The following PNMA1 variants were observed in gnomAD, a reference collection of about 807,000 sequenced individuals.
PNMA1 encodes the protein paraneoplastic antigen Ma1.
A neutral mutation model predicts 26.1 loss-of-function variants in PNMA1; 21 were observed. The ratio of observed to expected loss-of-function variants is 0.80; its 90% CI spans 0.57 to 1.16. The LOEUF is 1.16. Among genes scored for constraint, PNMA1 ranks in the 50% most tolerant of loss-of-function variants. The probability of loss-of-function intolerance (pLI) is 0.00; values close to 1 mark genes in which losing one functional copy is unlikely to be tolerated. For missense variants in PNMA1, 435 were observed against 437.3 expected (o/e 0.99, Z 0.05); for synonymous variants, 189 against 177.3 (o/e 1.07, Z -0.52).
At position 73,712,799 on chromosome 14, in the gene PNMA1, T is replaced by C. The variant is rs1019893136; in HGVS notation, c.841A>G (p.Ile281Val). 6 of 1,614,124 alleles carry C rather than the reference T, an allele frequency of 3.7e-6. No homozygotes were observed. The highest frequency in any genetic ancestry group is 5.1e-6 in the Non-Finnish European group (6 of 1,180,030). ...LLQKVVEKGA[I>V]DKDNVNQARL... ...GCCTGGTTCACATTATCTTTATCAA[T>C]GGCCCCCTTCTCTACCACCTTCTGT... The change falls in exon 1 of 1, where the codon ATT becomes GTT. Residue 281 changes from isoleucine to valine, a missense_variant. Physicochemically the swap from Ile to Val is conservative, Grantham distance 29 (BLOSUM62 3). Transcript: ENST00000316836.
Position 73,713,669 on chromosome 14 carries a change from C to T in PNMA1, c.-30G>A, listed in dbSNP as rs1566575519. The T allele has an allele frequency of 1.9e-6, 3 of 1,566,126 alleles. No individual in the cohort carries two copies. The highest frequency in any genetic ancestry group is 2.7e-5 in the African/African-American group (2 of 73,634). ...TCAACTATCAAGACGCCAAATTCTACCAACAGACTGTGGCTCACCGTGCTC... is the reference window on the plus strand; with the variant it reads ...TCAACTATCAAGACGCCAAATTCTATCAACAGACTGTGGCTCACCGTGCTC... On this transcript the variant is annotated 5_prime_UTR_variant, in exon 1 of 1. Transcript: ENST00000316836.
At position 73,712,753 on chromosome 14, in the gene PNMA1, G is replaced by A; in HGVS notation, c.887C>T (p.Ala296Val). Residue 296 changes from alanine to valine, a missense_variant, in exon 1 of 1, where the codon GCC (alanine) becomes GTC (valine). Coordinates refer to ENST00000316836, the MANE Select transcript of PNMA1 (RefSeq NM_006029.5). ...VNQARLEQVI[A>V]GANHSGAIRR... ...GATGGCCCCGCTGTGGTTGGCCCCG[G>A]CAATGACCTGCTCTAGGCGGGCCTG... 2 of 1,614,144 alleles carry A rather than the reference G, an allele frequency of 1.2e-6. No homozygotes were observed. The highest frequency in any genetic ancestry group is 1.7e-5 in the Admixed American group (1 of 60,026).
rs777028578 is a variant in PNMA1 at position 73,712,577 on chromosome 14, C to T, written c.*1G>A. 2 of 1,582,736 alleles carry T rather than the reference C, an allele frequency of 1.3e-6. No individual in the cohort carries two copies. Among genetic ancestry groups the T allele is most frequent in the Non-Finnish European group, 1.7e-6 (2 of 1,164,378 alleles). ...TGCACTAAAGCTGCCTTTCCTGGCA[C>T]TCAGAAGTGCCCTTCCAGGCCTAAC... On this transcript the variant is annotated 3_prime_UTR_variant, in exon 1 of 1. Coordinates refer to ENST00000316836, the MANE Select transcript of PNMA1 (RefSeq NM_006029.5).
Position 73,713,037 on chromosome 14 carries a change from C to A in PNMA1, c.603G>T (p.Arg201=), listed in dbSNP as rs769232838. ...WQVSDVEKRR[R]LMESLRGPAA... is the part of the protein sequence containing the mutation. Reference sequence around the variant, plus strand: ...CGGGGCCTCTAAGACTCTCCATCAACCGCCGCCTCTTTTCTACATCGGACA... The same window carrying A: ...CGGGGCCTCTAAGACTCTCCATCAAACGCCGCCTCTTTTCTACATCGGACA... The change falls in exon 1 of 1, where the codon CGG becomes CGT. Residue 201 remains arginine, a synonymous_variant. Transcript: ENST00000316836. The A allele has an allele frequency of 2.5e-6, 4 of 1,613,748 alleles. No individual in the cohort carries two copies. The highest frequency in any genetic ancestry group is 3.4e-6 in the Non-Finnish European group (4 of 1,180,016).
Position 73,713,090 on chromosome 14 carries a change from T to C in PNMA1, c.550A>G (p.Thr184Ala), listed in dbSNP as rs760687408. The C allele has an allele frequency of 1.2e-6, 2 of 1,613,716 alleles. No homozygotes were observed. Among genetic ancestry groups the C allele is most frequent in the Admixed American group, 1.7e-5 (1 of 59,954 alleles). Residue 184 changes from threonine (T) to alanine (A), a missense_variant, in exon 1 of 1, where the codon ACT (threonine) becomes GCT (alanine). Physicochemically the swap from Thr to Ala is moderately conservative, Grantham distance 58. Coordinates refer to ENST00000316836, the MANE Select transcript of PNMA1 (RefSeq NM_006029.5). ...TGCCACTCCTCTAGGACCTCATTAGTGTGCTCCAGCCAGGGATCAAAGGTT... is the reference window on the plus strand; with the variant it reads ...TGCCACTCCTCTAGGACCTCATTAGCGTGCTCCAGCCAGGGATCAAAGGTT... ...EETFDPWLEH[T>A]NEVLEEWQVS...
At position 73,712,329 on chromosome 14, in the gene PNMA1, G is replaced by A; in HGVS notation, c.*249C>T. 6.5e-6 allele frequency: 3 copies of A among 459,450 alleles called. No individual in the cohort carries two copies. In the South Asian group the frequency reaches 1.5e-4, roughly 23 times the overall value. 28.5% of individuals were successfully genotyped at this position (459,450 alleles called of 1,614,324 possible). On this transcript the variant is annotated 3_prime_UTR_variant, in exon 1 of 1. Coordinates refer to ENST00000316836, the MANE Select transcript of PNMA1 (RefSeq NM_006029.5). ...GATGACAGCGTGCACTAAGCGCTGT[G>A]TCCAACCAACCCTTTACCTGGCATT...
At position 73,713,006 on chromosome 14, in the gene PNMA1, C is replaced by T; in HGVS notation, c.634G>A (p.Asp212Asn). Residue 212 changes from aspartate to asparagine, a missense_variant, in exon 1 of 1, where the codon GAT becomes AAT. Physicochemically the swap from Asp to Asn is conservative, Grantham distance 23. Coordinates refer to ENST00000316836, the MANE Select transcript of PNMA1 (RefSeq NM_006029.5). ...TTGGACTTAAGGATGCGAATAACATCAGCGGCGGGGCCTCTAAGACTCTCC... is the reference window on the plus strand; with the variant it reads ...TTGGACTTAAGGATGCGAATAACATTAGCGGCGGGGCCTCTAAGACTCTCC... ...LMESLRGPAA[D>N]VIRILKSNNP... is the part of the protein sequence containing the mutation. 6.2e-7 allele frequency: 1 copy of T among 1,614,130 alleles called. No homozygotes were observed. The highest frequency in any genetic ancestry group is 8.5e-7 in the Non-Finnish European group (1 of 1,180,042).
chr14:73,712,764 C>T lies in PNMA1; in HGVS notation c.876G>A (p.Glu292=), dbSNP rs777866791. Reference sequence around the variant, plus strand: ...TGTGGTTGGCCCCGGCAATGACCTGCTCTAGGCGGGCCTGGTTCACATTAT... The same window carrying T: ...TGTGGTTGGCCCCGGCAATGACCTGTTCTAGGCGGGCCTGGTTCACATTAT... ...DKDNVNQARL[E]QVIAGANHSG... is the part of the protein sequence containing the mutation. The change falls in exon 1 of 1, where the codon GAG becomes GAA. Residue 292 remains glutamate, a synonymous_variant. Coordinates refer to ENST00000316836, the MANE Select transcript of PNMA1 (RefSeq NM_006029.5). The T allele has an allele frequency of 1.2e-6, 2 of 1,614,060 alleles. No individual in the cohort carries two copies. The highest frequency in any genetic ancestry group is 8.5e-7 in the Non-Finnish European group (1 of 1,180,026).
chr14:73,712,524 G>C lies in PNMA1; in HGVS notation c.*54C>G. ...AGACACATCTGTAAGACCCCACAGG[G>C]ACAAGAAAAGTAGCTGTGATCTAGG... On this transcript the variant is annotated 3_prime_UTR_variant, in exon 1 of 1. Transcript: ENST00000316836. 8.0e-7 allele frequency: 1 copy of C among 1,246,630 alleles called. No individual in the cohort carries two copies. The highest frequency in any genetic ancestry group is 1.1e-6 in the Non-Finnish European group (1 of 890,964). The allele number at this position is 1,246,630 out of a possible 1,614,324, so 77.2% of individuals were successfully genotyped here.
In PNMA1 at chr14:73,713,778, A is replaced by T. The variant is rs552171108; in HGVS notation, c.-139T>A. The T allele has an allele frequency of 1.3e-6, 1 of 772,690 alleles. No homozygotes were observed. Among genetic ancestry groups the T allele is most frequent in the African/African-American group, 1.7e-5 (1 of 57,658 alleles). The allele number at this position is 772,690 out of a possible 1,614,324, so 47.9% of individuals were successfully genotyped here. ...ATGCAGTCACGATTAACAAAGACAG[A>T]GTCCTGATCTCGCCCTTCTCTGCCC... is the stretch of plus-strand genomic sequence containing the variant. On this transcript the variant is annotated 5_prime_UTR_variant, in exon 1 of 1. Coordinates refer to ENST00000316836, the MANE Select transcript of PNMA1 (RefSeq NM_006029.5).
Position 73,712,979 on chromosome 14 carries a change from T to G in PNMA1, c.661A>C (p.Asn221His). The change falls in exon 1 of 1, where the codon AAC becomes CAC. Residue 221 changes from asparagine (N) to histidine (H), a missense_variant. Asn to His is a moderately conservative substitution (Grantham distance 68, BLOSUM62 1). Coordinates refer to ENST00000316836, the MANE Select transcript of PNMA1 (RefSeq NM_006029.5). ...CATTCGGCAGTGGTTATCGCGGGGT[T>G]GTTGGACTTAAGGATGCGAATAACA... ...ADVIRILKSN[N>H]PAITTAECLK... The G allele has an allele frequency of 6.2e-7, 1 of 1,614,204 alleles. No homozygotes were observed. The highest frequency in any genetic ancestry group is 8.5e-7 in the Non-Finnish European group (1 of 1,180,042).
In PNMA1 at chr14:73,713,511, C is replaced by T; in HGVS notation, c.129G>A (p.Met43Ile). 2.5e-6 allele frequency: 4 copies of T among 1,614,194 alleles called. No homozygotes were observed. Among genetic ancestry groups the T allele is most frequent in the Non-Finnish European group, 3.4e-6 (4 of 1,180,028 alleles). ...AEIEETLQAA[M>I]PQVSYRMLGR... ...CAAGCATTCGGTAGGAGACCTGGGG[C>T]ATCGCAGCCTGGAGGGTCTCTTCGA... Residue 43 changes from methionine to isoleucine, a missense_variant, in exon 1 of 1, where the codon ATG (methionine) becomes ATA (isoleucine). Met to Ile is a conservative substitution (Grantham distance 10). Transcript: ENST00000316836.
At position 73,714,100 on chromosome 14, in the gene PNMA1, G is replaced by C. The variant is rs1385790573; in HGVS notation, c.-461C>G. ...GTCTTCCCGCGGGCGAGGAGCGGCC[G>C]TTTGGGAGACTAGCCAGAGGGAGAA... On this transcript the variant is annotated 5_prime_UTR_variant, in exon 1 of 1. Coordinates refer to ENST00000316836, the MANE Select transcript of PNMA1 (RefSeq NM_006029.5). 5.9e-6 allele frequency: 1 copy of C among 168,342 alleles called. No homozygotes were observed. The highest frequency in any genetic ancestry group is 1.4e-5 in the Non-Finnish European group (1 of 69,340). 10.4% of individuals were successfully genotyped at this position (168,342 alleles called of 1,614,324 possible).
chr14:73,712,799 TGGCCCCCTTCTCTACCACCTTCTGTA>T lies in PNMA1; in HGVS notation c.815_840del (p.Leu272HisfsTer2), dbSNP rs1335143637. On this transcript the variant is annotated frameshift_variant, in exon 1 of 1. Coordinates refer to ENST00000316836, the MANE Select transcript of PNMA1 (RefSeq NM_006029.5). LOFTEE classifies it high-confidence loss of function. ...GCCTGGTTCACATTATCTTTATCAATGGCCCCCTTCTCTACCACCTTCTGTAGCAGAGGCTCCAGACGAATGACATA... is the reference window on the plus strand; with the variant it reads ...GCCTGGTTCACATTATCTTTATCAATGCAGAGGCTCCAGACGAATGACATA... 1.2e-6 allele frequency: 2 copies of T among 1,614,006 alleles called. No homozygotes were observed. The highest frequency in any genetic ancestry group is 2.7e-5 in the African/African-American group (2 of 74,946).
In PNMA1 at chr14:73,713,694, C is replaced by T. The variant is rs529779772; in HGVS notation, c.-55G>A. The T allele has an allele frequency of 6.6e-7, 1 of 1,520,962 alleles. No homozygotes were observed. The highest frequency in any genetic ancestry group is 1.4e-5 in the African/African-American group (1 of 72,498). The allele number at this position is 1,520,962 out of a possible 1,614,324, so 94.2% of individuals were successfully genotyped here. On this transcript the variant is annotated 5_prime_UTR_variant, in exon 1 of 1. Coordinates refer to ENST00000316836, the MANE Select transcript of PNMA1 (RefSeq NM_006029.5). Reference sequence around the variant, plus strand: ...CCAACAGACTGTGGCTCACCGTGCTCCTGGCCTTAGAACAATACCAGACAC... The same window carrying T: ...CCAACAGACTGTGGCTCACCGTGCTTCTGGCCTTAGAACAATACCAGACAC...
rs749702233 is a variant in PNMA1 at position 73,712,935 on chromosome 14, C to T, written c.705G>A (p.Gln235=). The change falls in exon 1 of 1, where the codon CAG becomes CAA. Residue 235 remains glutamine, a synonymous_variant. Coordinates refer to ENST00000316836, the MANE Select transcript of PNMA1 (RefSeq NM_006029.5). ...TTAECLKALE[Q]VFGSVESSRD... ...TAGAGCTCTCAACGCTCCCAAACAC[C>T]TGCTCAAGCGCCTTCAGGCATTCGG... 6.2e-7 allele frequency: 1 copy of T among 1,614,232 alleles called. No individual in the cohort carries two copies. Among genetic ancestry groups the T allele is most frequent in the Non-Finnish European group, 8.5e-7 (1 of 1,180,042 alleles).
rs747374853 is a variant in PNMA1 at position 73,712,621 on chromosome 14, G to GCCTCCT, written c.1013_1018dup (p.Glu338_Glu339dup). The GCCTCCT allele has an allele frequency of 6.5e-5, 105 of 1,611,918 alleles. No homozygotes were observed. Among genetic ancestry groups the GCCTCCT allele is most frequent in the Non-Finnish European group, 8.1e-5 (95 of 1,178,942 alleles). ...GCCTAACTGCAGAAGGGTGGCCTCA[G>GCCTCCT]CCTCCTCCTCCTCCTCCTTGGCTTC... On this transcript the variant is annotated inframe_insertion, in exon 1 of 1. Coordinates refer to ENST00000316836, the MANE Select transcript of PNMA1 (RefSeq NM_006029.5).
rs1245687443 is a variant in PNMA1 at position 73,713,787 on chromosome 14, C to A, written c.-148G>T. 6 of 715,204 alleles carry A rather than the reference C, an allele frequency of 8.4e-6. No homozygotes were observed. In the Admixed American group the frequency reaches 1.1e-4, roughly 13 times the overall value. 44.3% of individuals were successfully genotyped at this position (715,204 alleles called of 1,614,324 possible). A position where few individuals can be genotyped will look rare whatever the true frequency, so the allele number is the denominator to read the frequency against. On this transcript the variant is annotated 5_prime_UTR_variant, in exon 1 of 1. Transcript: ENST00000316836. ...CGATTAACAAAGACAGAGTCCTGAT[C>A]TCGCCCTTCTCTGCCCCCACAGTCA...
At position 73,712,553 on chromosome 14, in the gene PNMA1, G is replaced by A; in HGVS notation, c.*25C>T. ...AGAAAAGTAGCTGTGATCTAGGTCTGCACTAAAGCTGCCTTTCCTGGCACT... is the reference window on the plus strand; with the variant it reads ...AGAAAAGTAGCTGTGATCTAGGTCTACACTAAAGCTGCCTTTCCTGGCACT... On this transcript the variant is annotated 3_prime_UTR_variant, in exon 1 of 1. Transcript: ENST00000316836. The A allele has an allele frequency of 6.7e-7, 1 of 1,498,770 alleles. No homozygotes were observed. 92.8% of individuals were successfully genotyped at this position (1,498,770 alleles called of 1,614,324 possible). A position where few individuals can be genotyped will look rare whatever the true frequency, so the allele number is the denominator to read the frequency against.
Sources: allele counts gnomAD v4.1 joint callset, GRCh38; gene constraint gnomAD v4.1.1; transcripts MANE v1.5; gene names NCBI Gene and HGNC (gene_info 2026-07-23, HGNC 2026-07-21).